The following KCTD8 variants were observed in gnomAD, a reference collection of about 807,000 sequenced individuals.
The protein encoded by KCTD8 is potassium channel tetramerization domain containing 8, also known as BTB/POZ domain-containing protein KCTD8.
In KCTD8, 27 loss-of-function variants were observed where a neutral mutation model predicts 31.5. That is an observed-to-expected ratio of 0.86 (90% CI 0.63 to 1.18). KCTD8 has a LOEUF of 1.18. Among genes scored for constraint, KCTD8 ranks in the 50% most tolerant of loss-of-function variants. The pLI, the probability that KCTD8 is intolerant of heterozygous loss-of-function variation, is 0.00. For synonymous variants in KCTD8, 290 were observed against 280.0 expected (o/e 1.04, Z -0.36); for missense variants, 658 against 647.7 (o/e 1.02, Z -0.17).
intron 1 of KCTD8, among the ~76,000 whole-genome samples, chr4:44,258,673 T>C (rs11941070): frequency 0.55 from 82,879 of 151,714 alleles, 23,540 homozygotes; most frequent in African/African-American, 0.72. Flanking sequence ...TGATATTTAA[T>C]ACATTTCCTT....
intron 1 of KCTD8, among the ~76,000 whole-genome samples, chr4:44,331,978 C>T (rs1394801657): frequency 6.6e-6 from 1 of 151,568 alleles, no homozygotes; most frequent in Non-Finnish European, 1.5e-5. Flanking sequence ...CGAAATAAGG[C>T]ACAAGTAATA....
intron 1 of KCTD8, among the ~76,000 whole-genome samples, chr4:44,410,873 C>T (rs1213868944): frequency 6.6e-6 from 1 of 152,102 alleles, no homozygotes; most frequent in East Asian, 1.9e-4. Flanking sequence ...ACAGCCAAAC[C>T]ATATCAGCAT....
At chr4:44,259,337 G>T (rs904231552) in intron 1 of KCTD8, among the ~76,000 whole-genome samples, 8 of 151,546 alleles carry the variant, frequency 5.3e-5, no homozygotes, top group Non-Finnish European at 8.8e-5. Context: ...ATAATCAGCC[G>T]GTTTCTCTTT....
At chr4:44,372,361 G>A (rs1719809939) in intron 1 of KCTD8, among the ~76,000 whole-genome samples, 2 of 152,122 alleles carry the variant, frequency 1.3e-5, no homozygotes, top group South Asian at 4.1e-4. Flanking sequence ...AAAAATTACT[G>A]GTAAATTAGA....
At chr4:44,233,273 T>G (rs1022247519) in intron 1 of KCTD8, among the ~76,000 whole-genome samples, 1 of 152,160 alleles carries the variant, frequency 6.6e-6, no homozygotes, top group Admixed American at 6.6e-5. Context: ...TTTTCTGCCT[T>G]TTTAGTATCT....
intron 1 of KCTD8, among the ~76,000 whole-genome samples, chr4:44,331,660 AT>A (rs1718593343): frequency 1.3e-5 from 2 of 150,408 alleles, no homozygotes; most frequent in Admixed American, 1.3e-4. Flanking sequence ...AAATGTATAT[AT>A]TTTTATTGAA....
intron 1 of KCTD8, among the ~76,000 whole-genome samples, chr4:44,240,393 G>T (rs904561245): frequency 6.6e-6 from 1 of 152,192 alleles, no homozygotes. Flanking sequence ...GGCTTGTTGT[G>T]TTGTACTTTA....
In KCTD8 at chr4:44,218,614, C is replaced by G. The variant is rs373033965; in HGVS notation, c.962-43364G>C. Among the ~76,000 whole-genome samples the G allele has an allele frequency of 3.1e-4, 46 of 146,542 alleles. No individual in the cohort carries two copies. The East Asian group carries it at 7.8e-3, about 25-fold the overall frequency. On this transcript the variant is annotated intron_variant, in intron 1 of 1. Transcript: ENST00000360029. ...TATATAGATATATATCTACTATGTA[C>G]TCACAAAAATTAAAAAATAAATAAA...
chr4:44,253,965 G>C (rs1248532410), intron 1 of KCTD8, among the ~76,000 whole-genome samples: 1 of 151,800 alleles, frequency 6.6e-6, no homozygotes, highest in Non-Finnish European at 1.5e-5. Flanking sequence ...GCGCAAAGTG[G>C]AAGGACAGTG....
chr4:44,393,521 G>GA (rs555529015), intron 1 of KCTD8, among the ~76,000 whole-genome samples: 2,638 of 137,292 alleles, frequency 0.019, 47 homozygotes, highest in Admixed American at 0.055. Flanking sequence ...AGTTCACACT[G>GA]AAAAAAAAAA....
intron 1 of KCTD8, among the ~76,000 whole-genome samples, chr4:44,369,530 G>A (rs965042541): frequency 6.6e-6 from 1 of 152,176 alleles, no homozygotes; most frequent in Non-Finnish European, 1.5e-5. Context: ...GATTGGTGGG[G>A]CATGGTGGCT....
In KCTD8 at chr4:44,175,021, A is replaced by G; in HGVS notation, c.1191T>C (p.Pro397=). Residue 397 remains proline, a synonymous_variant, in exon 2 of 2, where the codon CCT becomes CCC. Coordinates refer to ENST00000360029, the MANE Select transcript of KCTD8 (RefSeq NM_198353.3). ...LTLDRPSKKA[P]VQWIPPPDKR... is the part of the protein sequence containing the mutation. Reference sequence around the variant, plus strand: ...TGTCTGGTGGGGGTATCCATTGTACAGGTGCTTTTTTAGAGGGGCGATCCA... The same window carrying G: ...TGTCTGGTGGGGGTATCCATTGTACGGGTGCTTTTTTAGAGGGGCGATCCA... 6.2e-7 allele frequency: 1 copy of G among 1,614,046 alleles called. No homozygotes were observed. The highest frequency in any genetic ancestry group is 8.5e-7 in the Non-Finnish European group (1 of 1,179,990).
At chr4:44,232,948 G>GA (rs1715167261) in intron 1 of KCTD8, among the ~76,000 whole-genome samples, 1 of 151,940 alleles carries the variant, frequency 6.6e-6, no homozygotes, top group East Asian at 1.9e-4. Context: ...TGGGAAAGTG[G>GA]AAAAAGATGC....
At chr4:44,271,907 A>T (rs1228249620) in intron 1 of KCTD8, among the ~76,000 whole-genome samples, 2 of 151,868 alleles carry the variant, frequency 1.3e-5, no homozygotes, top group Non-Finnish European at 2.9e-5. Context: ...CACAAGCTAT[A>T]TTTCTGTGTG....
chr4:44,226,683 C>T (rs1714973033), intron 1 of KCTD8, among the ~76,000 whole-genome samples: 1 of 152,124 alleles, frequency 6.6e-6, no homozygotes, highest in African/African-American at 2.4e-5. Context: ...CCTATTTCTC[C>T]ACAGCCTCGC....
intron 1 of KCTD8, among the ~76,000 whole-genome samples, chr4:44,273,242 A>G (rs1191419130): frequency 6.6e-6 from 1 of 152,000 alleles, no homozygotes; most frequent in African/African-American, 2.4e-5. Context: ...CTATGTGACC[A>G]TAATACAGGT....
chr4:44,213,827 A>G (rs1408924557), intron 1 of KCTD8, among the ~76,000 whole-genome samples: 1 of 152,156 alleles, frequency 6.6e-6, no homozygotes, highest in African/African-American at 2.4e-5. Context: ...ATGCCTCCTT[A>G]AAGTGTGGCA....
At chr4:44,231,195 G>A (rs1012282540) in intron 1 of KCTD8, among the ~76,000 whole-genome samples, 17 of 152,070 alleles carry the variant, frequency 1.1e-4, no homozygotes, top group African/African-American at 4.1e-4. Flanking sequence ...TGTTTCACAT[G>A]TAGACTAGGC....
At chr4:44,192,798 A>T (rs1713805305) in intron 1 of KCTD8, among the ~76,000 whole-genome samples, 1 of 152,194 alleles carries the variant, frequency 6.6e-6, no homozygotes, top group East Asian at 1.9e-4. Flanking sequence ...GCATCATCTA[A>T]TCAGCTGCCA....
Sources: allele counts gnomAD v4.1 joint callset (sites outside exome capture counted in the v4.1 genomes callset), GRCh38; gene constraint gnomAD v4.1.1; transcripts MANE v1.5; gene names NCBI Gene and HGNC (gene_info 2026-07-23, HGNC 2026-07-21).